RNMT: variants seen among roughly 807,000 people sequenced by gnomAD.
RNMT encodes mRNA cap guanine-N(7) methyltransferase.
In RNMT, 27 loss-of-function variants were observed where a neutral mutation model predicts 56.0. The ratio of observed to expected loss-of-function variants is 0.48; its 90% CI spans 0.36 to 0.67. RNMT has a LOEUF of 0.67. Ranked by LOEUF, RNMT falls within the 30% of genes least tolerant of loss-of-function variation. The pLI is 0.00. For synonymous variants in RNMT, 184 were observed against 176.2 expected, an observed-to-expected ratio of 1.04 and a Z score of -0.35; for missense variants, 519 against 552.1, an observed-to-expected ratio of 0.94 and a Z score of 0.60.
At chr18:13,749,468 T>G (rs1363905027) in intron 9 of RNMT, among the ~76,000 whole-genome samples, 2 of 152,210 alleles carry the variant, frequency 1.3e-5, no homozygotes, top group Non-Finnish European at 2.9e-5. Context: ...ATGCCTAAAC[T>G]TGCTGCAGGA....
intron 1 of RNMT, among the ~76,000 whole-genome samples, chr18:13,728,030 T>C (rs1460810058): frequency 2.0e-5 from 3 of 152,244 alleles, no homozygotes; most frequent in Non-Finnish European, 2.9e-5. Context: ...CTATTGTGAA[T>C]AAACTTGAGA....
At chr18:13,756,276 A>G (rs1191550980) in intron 11 of RNMT, among the ~76,000 whole-genome samples, 3 of 152,222 alleles carry the variant, frequency 2.0e-5, no homozygotes, top group Admixed American at 6.5e-5. Context: ...ATTTTATACA[A>G]TAAGTGGGAC....
chr18:13,754,649 C>T (rs991083631), intron 11 of RNMT, among the ~76,000 whole-genome samples: 3 of 152,218 alleles, frequency 2.0e-5, no homozygotes, highest in African/African-American at 7.2e-5. Context: ...ACACTGTACA[C>T]AGGGTCTTCC....
chr18:13,757,976 C>A (rs1324472388), intron 11 of RNMT, among the ~76,000 whole-genome samples: 1 of 152,218 alleles, frequency 6.6e-6, no homozygotes, highest in Non-Finnish European at 1.5e-5. Flanking sequence ...CCTTGTACAT[C>A]TTCATCAGAC....
intron 10 of RNMT, among the ~76,000 whole-genome samples, chr18:13,753,685 G>C (rs1329884919): frequency 4.0e-5 from 6 of 151,554 alleles, no homozygotes; most frequent in Admixed American, 1.3e-4. Flanking sequence ...GCAGGAGAAT[G>C]GCATGAACCC....
intron 8 of RNMT, among the ~76,000 whole-genome samples, chr18:13,744,603 G>A (rs1296615515): frequency 2.0e-5 from 3 of 151,948 alleles, no homozygotes; most frequent in African/African-American, 7.3e-5. Flanking sequence ...AAAAGAAAAT[G>A]AACTGCCTGG....
intron 7 of RNMT, 88 bp from the exon 8 acceptor site, chr18:13,742,400 G>A: frequency 8.2e-7 from 1 of 1,218,494 alleles, no homozygotes; most frequent in East Asian, 2.5e-5. Context: ...GCATCATGTA[G>A]TTTTTCACAT....
intron 9 of RNMT, among the ~76,000 whole-genome samples, chr18:13,748,397 A>G (rs2044385936): frequency 6.6e-6 from 1 of 152,200 alleles, no homozygotes; most frequent in African/African-American, 2.4e-5. Flanking sequence ...GCAGGAAAGG[A>G]CATGACCAGA....
At chr18:13,741,109 G>A (rs2044244339) in intron 6 of RNMT, among the ~76,000 whole-genome samples, 1 of 152,234 alleles carries the variant, frequency 6.6e-6, no homozygotes, top group South Asian at 2.1e-4. Flanking sequence ...AAAAAGATAA[G>A]TGGGAGTATA....
intron 9 of RNMT, among the ~76,000 whole-genome samples, chr18:13,749,089 A>G (rs559044659): frequency 6.6e-6 from 1 of 152,286 alleles, no homozygotes; most frequent in African/African-American, 2.4e-5. Context: ...CAAAAAATAA[A>G]ATCAATTTTA....
At chr18:13,729,727 C>G (rs139357969) in intron 1 of RNMT, among the ~76,000 whole-genome samples, 2 of 151,712 alleles carry the variant, frequency 1.3e-5, no homozygotes, top group East Asian at 1.9e-4. Flanking sequence ...AACTTGATTT[C>G]TTATTCTTTT....
chr18:13,736,985 A>G lies in RNMT; in HGVS notation c.554-25A>G, dbSNP rs544014112. 20 of 1,605,382 alleles carry G rather than the reference A, an allele frequency of 1.2e-5. No individual in the cohort carries two copies. In the African/African-American group the frequency reaches 2.4e-4, roughly 19 times the overall value. ...AGTAAAATTGAAGAAGAGGTAGTTTATTGTGACTGATTTCTCTCTTTTAGG... is the reference window on the plus strand; with the variant it reads ...AGTAAAATTGAAGAAGAGGTAGTTTGTTGTGACTGATTTCTCTCTTTTAGG... On this transcript the variant is annotated intron_variant, in intron 4 of 11. Coordinates refer to ENST00000383314, the MANE Select transcript of RNMT (RefSeq NM_003799.3).
Position 13,761,475 on chromosome 18 carries a change from C to A in RNMT, c.*1496C>A, listed in dbSNP as rs536635291. 6.2e-5 allele frequency: 61 copies of A among 986,016 alleles called. No individual in the cohort carries two copies. The highest frequency in any genetic ancestry group is 3.0e-4 in the Admixed American group (5 of 16,458). The allele number at this position is 986,016 out of a possible 1,614,324, so 61.1% of individuals were successfully genotyped here. A position where few individuals can be genotyped will look rare whatever the true frequency, so the allele number is the denominator to read the frequency against. ...TTTGTAGGTACAGGAAAAACATCATCATTATTTCCTCTGTTCACATTTACT... is the reference window on the plus strand; with the variant it reads ...TTTGTAGGTACAGGAAAAACATCATAATTATTTCCTCTGTTCACATTTACT... On this transcript the variant is annotated 3_prime_UTR_variant, in exon 12 of 12. Coordinates refer to ENST00000383314, the MANE Select transcript of RNMT (RefSeq NM_003799.3).
chr18:13,743,281 C>T (rs1455056432), intron 8 of RNMT, among the ~76,000 whole-genome samples: 5 of 147,954 alleles, frequency 3.4e-5, no homozygotes, highest in African/African-American at 1.2e-4. Flanking sequence ...CGAGATCGCG[C>T]CACTGCGCTC....
intron 1 of RNMT, among the ~76,000 whole-genome samples, chr18:13,729,837 T>A (rs117410437): frequency 3.2e-4 from 49 of 152,242 alleles, no homozygotes; most frequent in Non-Finnish European, 6.6e-4. Flanking sequence ...TCTCACTTTG[T>A]TGTCTAGGCT....
chr18:13,746,006 A>G (rs1051791175), intron 8 of RNMT, among the ~76,000 whole-genome samples: 1 of 152,154 alleles, frequency 6.6e-6, no homozygotes, highest in African/African-American at 2.4e-5. Flanking sequence ...TGTTATACTA[A>G]TAGAGCCCTC....
intron 8 of RNMT, among the ~76,000 whole-genome samples, chr18:13,743,570 A>C (rs1249882697): frequency 6.6e-6 from 1 of 152,062 alleles, no homozygotes; most frequent in Admixed American, 6.5e-5. Context: ...GGGCCTTACC[A>C]GGTAAGGCTT....
chr18:13,731,701 T>C lies in RNMT; in HGVS notation c.184T>C (p.Phe62Leu). Residue 62 changes from phenylalanine (F) to leucine (L), a missense_variant, in exon 3 of 12, where the codon TTT becomes CTT. Phe to Leu is a conservative substitution (Grantham distance 22). Coordinates refer to ENST00000383314, the MANE Select transcript of RNMT (RefSeq NM_003799.3). ...QVDIARKRKE[F>L]EDDLVKESSS... ...AGACATAGCAAGAAAGAGAAAAGAG[T>C]TTGAAGATGATCTTGTAAAGGAAAG... is the stretch of plus-strand genomic sequence containing the variant. The C allele has an allele frequency of 1.2e-6, 2 of 1,613,526 alleles. No individual in the cohort carries two copies. The highest frequency in any genetic ancestry group is 8.5e-7 in the Non-Finnish European group (1 of 1,179,874).
At chr18:13,728,480 C>T (rs34031934) in intron 1 of RNMT, among the ~76,000 whole-genome samples, 38,330 of 151,364 alleles carry the variant, frequency 0.25, 5,601 homozygotes, top group Non-Finnish European at 0.34. Context: ...GGATTACAGG[C>T]GCACATCACC....
Sources: allele counts gnomAD v4.1 joint callset (sites outside exome capture counted in the v4.1 genomes callset), GRCh38; gene constraint gnomAD v4.1.1; transcripts MANE v1.5; gene names NCBI Gene and HGNC (gene_info 2026-07-23, HGNC 2026-07-21).